UTY: variants seen among roughly 807,000 people sequenced by gnomAD.
UTY encodes the protein ubiquitously transcribed tetratricopeptide repeat containing, Y-linked.
Under a neutral mutation model 32.5 loss-of-function variants are expected in UTY, and 12 were observed. The ratio of observed to expected loss-of-function variants is 0.37; its 90% CI spans 0.24 to 0.60. The LOEUF (loss-of-function observed/expected upper bound fraction) is 0.60, where lower values mean the gene tolerates loss of function less well. UTY is among the 20% of genes least tolerant of loss of function. The pLI, the probability that UTY is intolerant of heterozygous loss-of-function variation, is 0.69. For synonymous variants in UTY, 131 were observed against 103.4 expected (o/e 1.27, Z -1.62); for missense variants, 303 against 299.2 (o/e 1.01, Z -0.09).
intron 10 of UTY, among the ~76,000 whole-genome samples, chrY:13,364,575 G>A: frequency 6.2e-5 from 2 of 32,238 alleles, no homozygotes; most frequent in African/African-American, 2.4e-4. Context: ...CAAATTATCC[G>A]CCCACCTTGG....
At chrY:13,476,123 T>C (rs2079026310) in intron 2 of UTY, 1 of 214,453 alleles carries the variant, frequency 4.7e-6, no homozygotes, top group East Asian at 5.4e-4. Flanking sequence ...ATATTTTCTA[T>C]AATTGCTTCA....
intron 8 of UTY, among the ~76,000 whole-genome samples, chrY:13,383,300 A>AG (rs2066351968): frequency 3.3e-5 from 1 of 30,541 alleles, no homozygotes; most frequent in African/African-American, 1.3e-4. Flanking sequence ...AAAAAAAAAA[A>AG]ACAACCAAAA....
intron 4 of UTY, among the ~76,000 whole-genome samples, chrY:13,440,563 A>T (rs2075083681): frequency 9.0e-5 from 3 of 33,480 alleles, no homozygotes; most frequent in Non-Finnish European, 1.5e-4. Flanking sequence ...AGGAACACAC[A>T]GGTTAAAACC....
At chrY:13,410,127 T>A in intron 6 of UTY, among the ~76,000 whole-genome samples, 1 of 33,850 alleles carries the variant, frequency 3.0e-5, no homozygotes, top group African/African-American at 1.2e-4. Flanking sequence ...ACAGAGTTTT[T>A]AAAAAGCATT....
chrY:13,261,984 C>T, intron 27 of UTY, among the ~76,000 whole-genome samples: 1 of 33,248 alleles, frequency 3.0e-5, no homozygotes, highest in Non-Finnish European at 7.4e-5. Context: ...TCTGTGGCAC[C>T]TACTGATGTC....
chrY:13,398,350 T>C, intron 6 of UTY, among the ~76,000 whole-genome samples: 1 of 33,523 alleles, frequency 3.0e-5, no homozygotes, highest in African/African-American at 1.2e-4. Context: ...TTTCAGCAAA[T>C]GGTGTTTGAA....
At chrY:13,385,093 C>T (rs775014149) in intron 8 of UTY, among the ~76,000 whole-genome samples, 1 of 33,721 alleles carries the variant, frequency 3.0e-5, no homozygotes, top group South Asian at 6.6e-4. Flanking sequence ...GTGATACCCG[C>T]CTTGGCCTCC....
intron 3 of UTY, among the ~76,000 whole-genome samples, chrY:13,464,501 G>T (rs778353261): frequency 3.0e-5 from 1 of 33,724 alleles, no homozygotes; most frequent in South Asian, 6.5e-4. Flanking sequence ...GCTGGGTGCA[G>T]TGGCTCACAC....
At chrY:13,309,983 G>A (rs2058928884) in intron 21 of UTY, among the ~76,000 whole-genome samples, 2 of 31,991 alleles carry the variant, frequency 6.3e-5, no homozygotes, top group African/African-American at 2.5e-4. Flanking sequence ...TTGGGAGGCC[G>A]AGACGGGCAG....
intron 4 of UTY, among the ~76,000 whole-genome samples, chrY:13,425,078 CAT>C (rs2073106582): frequency 9.0e-5 from 3 of 33,499 alleles, no homozygotes; most frequent in African/African-American, 3.5e-4. Flanking sequence ...AACACAGACA[CAT>C]ATACACATTA....
chrY:13,354,911 T>G, intron 17 of UTY, 92 bp downstream of exon 17: 1 of 364,910 alleles, frequency 2.7e-6, no homozygotes, highest in Non-Finnish European at 3.8e-6. Context: ...ACAAAGCCAT[T>G]CTTTAAATTT....
intron 6 of UTY, among the ~76,000 whole-genome samples, chrY:13,409,715 G>A: frequency 6.0e-5 from 2 of 33,102 alleles, no homozygotes; most frequent in South Asian, 1.3e-3. Context: ...CAGAGGCCTG[G>A]GGCAATATGG....
chrY:13,362,808 C>T (rs2063682228), intron 10 of UTY, among the ~76,000 whole-genome samples: 1 of 33,704 alleles, frequency 3.0e-5, no homozygotes, highest in South Asian at 6.4e-4. Flanking sequence ...AACCAAACCA[C>T]ACCCCAATGC....
intron 28 of UTY, among the ~76,000 whole-genome samples, chrY:13,237,338 C>G: frequency 3.0e-5 from 1 of 33,693 alleles, no homozygotes; most frequent in Non-Finnish European, 7.4e-5. Flanking sequence ...AATAAGAGAA[C>G]CAAAGTGAGT....
intron 21 of UTY, among the ~76,000 whole-genome samples, chrY:13,306,464 C>A: frequency 3.0e-5 from 1 of 33,300 alleles, no homozygotes; most frequent in Non-Finnish European, 7.4e-5. Context: ...CATCCTCCAT[C>A]ATCTACAAAA....
intron 17 of UTY, among the ~76,000 whole-genome samples, chrY:13,337,133 G>GA (rs2061146075): frequency 1.3e-4 from 4 of 31,928 alleles, no homozygotes; most frequent in Non-Finnish European, 1.5e-4. Flanking sequence ...AGGTAAGAAG[G>GA]AAAAAAAATT....
At position 13,359,140 on chromosome Y, in the gene UTY, G is replaced by T. The variant is rs2063267220; in HGVS notation, c.1268C>A (p.Pro423Gln). ...CCTGGAGGTAAGCTCTGCGGGGATT[G>T]GTAGGCTCCATGCCTCCTCAATACT... ...LPSIEEAWSL[P>Q]IPAELTSRQG... Residue 423 changes from proline to glutamine, a missense_variant, in exon 13 of 30, where the codon CCA (proline) becomes CAA (glutamine). Physicochemically the swap from Pro to Gln is moderately conservative, Grantham distance 76. Coordinates refer to ENST00000545955, the MANE Select transcript of UTY (RefSeq NM_001258249.2). 1 of 392,457 alleles carries T rather than the reference G, an allele frequency of 2.5e-6. No individual in the cohort carries two copies. The highest frequency in any genetic ancestry group is 7.8e-5 in the Admixed American group (1 of 12,786).
intron 18 of UTY, among the ~76,000 whole-genome samples, chrY:13,331,041 C>T (rs2060651419): frequency 5.9e-5 from 2 of 33,891 alleles, no homozygotes; most frequent in Non-Finnish European, 1.5e-4. Context: ...GGACAGAACA[C>T]CTGGGGGAAG....
chrY:13,291,988 A>T (rs1033221698), intron 27 of UTY, among the ~76,000 whole-genome samples: 1 of 33,385 alleles, frequency 3.0e-5, no homozygotes, highest in African/African-American at 1.2e-4. Context: ...TAGCACACTG[A>T]ATAGGGAAAA....
Sources: allele counts gnomAD v4.1 joint callset (sites outside exome capture counted in the v4.1 genomes callset), GRCh38; gene constraint gnomAD v4.1.1; transcripts MANE v1.5; gene names NCBI Gene and HGNC (gene_info 2026-07-23, HGNC 2026-07-21).